MEGF11: variants seen among roughly 807,000 people sequenced by gnomAD.
MEGF11 encodes multiple EGF like domains 11, also known as multiple epidermal growth factor-like domains protein 11.
MEGF11 carries 126 observed loss-of-function variants against 146.6 expected under a neutral mutation model. The ratio of observed to expected loss-of-function variants is 0.86; its 90% CI spans 0.74 to 1.00. The LOEUF (loss-of-function observed/expected upper bound fraction) is 1.00. Ranked by LOEUF, MEGF11 falls within the 50% of genes least tolerant of loss-of-function variation. The pLI, the probability that MEGF11 is intolerant of heterozygous loss-of-function variation, is 0.00. For missense variants in MEGF11, 1,509 were observed against 1,521.2 expected, an observed-to-expected ratio of 0.99 and a Z score of 0.13; for synonymous variants, 532 against 583.4, an observed-to-expected ratio of 0.91 and a Z score of 1.27.
intron 5 of MEGF11, among the ~76,000 whole-genome samples, chr15:66,039,380 A>G (rs1390400086): frequency 1.3e-5 from 2 of 152,156 alleles, no homozygotes; most frequent in African/African-American, 4.8e-5. Context: ...ATCTCAGCCT[A>G]ACTTCAGCCT....
At chr15:65,953,104 CCCTCCT>C (rs1195733848) in intron 10 of MEGF11, among the ~76,000 whole-genome samples, 1 of 152,312 alleles carries the variant, frequency 6.6e-6, no homozygotes, top group East Asian at 1.9e-4. Context: ...CATCCCAACA[CCCTCCT>C]ACTGGTATCA....
At chr15:66,194,400 G>A (rs1178706639) in intron 1 of MEGF11, among the ~76,000 whole-genome samples, 1 of 152,188 alleles carries the variant, frequency 6.6e-6, no homozygotes, top group Non-Finnish European at 1.5e-5. Context: ...CCTGAGGTCA[G>A]GAGTTCAAGA....
chr15:66,101,960 A>G (rs954513873), intron 4 of MEGF11, among the ~76,000 whole-genome samples: 1 of 152,180 alleles, frequency 6.6e-6, no homozygotes, highest in Non-Finnish European at 1.5e-5. Flanking sequence ...TTGCAACGCT[A>G]CTAATCGCCC....
intron 10 of MEGF11, among the ~76,000 whole-genome samples, chr15:65,939,809 C>T (rs1305981645): frequency 1.3e-5 from 2 of 152,114 alleles, no homozygotes; most frequent in African/African-American, 4.8e-5. Context: ...AACTCTCCCC[C>T]AGCCCTCCCA....
At chr15:66,233,446 G>T (rs1597166439) in intron 1 of MEGF11, among the ~76,000 whole-genome samples, 1 of 152,158 alleles carries the variant, frequency 6.6e-6, no homozygotes, top group Non-Finnish European at 1.5e-5. Context: ...ATGTTGGTCA[G>T]GCTGGTCTCG....
intron 5 of MEGF11, among the ~76,000 whole-genome samples, chr15:65,993,130 C>T (rs986397785): frequency 6.6e-6 from 1 of 152,206 alleles, no homozygotes; most frequent in African/African-American, 2.4e-5. Context: ...ACTGTCCTCC[C>T]TGCTGTTCTA....
intron 4 of MEGF11, among the ~76,000 whole-genome samples, chr15:66,104,100 CA>C (rs566330809): frequency 1.3e-5 from 2 of 152,140 alleles, no homozygotes; most frequent in Non-Finnish European, 2.9e-5. Flanking sequence ...GGCCTGACAC[CA>C]AAAATGGGAG....
chr15:66,226,802 C>T (rs62009954), intron 1 of MEGF11, among the ~76,000 whole-genome samples: 16,520 of 151,982 alleles, frequency 0.11, 1,083 homozygotes, highest in African/African-American at 0.19. Context: ...CTCACACCCT[C>T]ACATGGGCAC....
chr15:66,067,532 G>A (rs182505575), intron 5 of MEGF11, among the ~76,000 whole-genome samples: 4 of 152,302 alleles, frequency 2.6e-5, no homozygotes, highest in East Asian at 1.9e-4. Flanking sequence ...GCAGCCCCAC[G>A]TTCTTTCCCG....
rs570290276 is a variant in MEGF11 at position 66,212,971 on chromosome 15, A to G, written c.-9+40634T>C. 7.2e-5 allele frequency among the ~76,000 whole-genome samples: 11 copies of G among 152,352 alleles called. No homozygotes were observed. The South Asian group carries it at 2.1e-3, about 29-fold the overall frequency. ...GGGGTGAGCCCCTCATGCCCCGCCC[A>G]GGCTTCCAGTCCTGTAGATCTGCGA... On this transcript the variant is annotated intron_variant, in intron 1 of 25. Transcript: ENST00000395614.
At chr15:66,129,329 C>T (rs1035420331) in intron 1 of MEGF11, among the ~76,000 whole-genome samples, 10 of 152,246 alleles carry the variant, frequency 6.6e-5, no homozygotes, top group African/African-American at 2.2e-4. Flanking sequence ...TGGTGGGTCG[C>T]TGACCTTGAG....
chr15:66,087,470 G>A (rs987137982), intron 5 of MEGF11, among the ~76,000 whole-genome samples: 1 of 152,136 alleles, frequency 6.6e-6, no homozygotes, highest in African/African-American at 2.4e-5. Context: ...ATTACATCAA[G>A]CACTCTCTCA....
chr15:66,174,003 T>C (rs2090330070), intron 1 of MEGF11, among the ~76,000 whole-genome samples: 1 of 152,206 alleles, frequency 6.6e-6, no homozygotes, highest in South Asian at 2.1e-4. Flanking sequence ...GTCCTCTGTC[T>C]CCTGAGGCAG....
chr15:66,164,557 C>A (rs758628575), intron 1 of MEGF11, among the ~76,000 whole-genome samples: 2 of 152,150 alleles, frequency 1.3e-5, no homozygotes. Flanking sequence ...ATAATCCTGT[C>A]CCACTGGACC....
chr15:66,091,481 T>G (rs186750653), intron 5 of MEGF11, among the ~76,000 whole-genome samples: 124 of 152,324 alleles, frequency 8.1e-4, no homozygotes, highest in Admixed American at 1.5e-3. Flanking sequence ...AAGTTACAAT[T>G]GTATAAATAA....
At chr15:66,134,984 C>T (rs2088826332) in intron 1 of MEGF11, among the ~76,000 whole-genome samples, 1 of 152,224 alleles carries the variant, frequency 6.6e-6, no homozygotes, top group Non-Finnish European at 1.5e-5. Context: ...GACTTGGGTT[C>T]GAATCCTACC....
chr15:66,056,086 A>T, intron 5 of MEGF11, among the ~76,000 whole-genome samples: 1 of 151,968 alleles, frequency 6.6e-6, no homozygotes, highest in Non-Finnish European at 1.5e-5. Context: ...TCCACATTTC[A>T]CCCCCTTCCC....
At chr15:66,220,142 A>T (rs765216562) in intron 1 of MEGF11, among the ~76,000 whole-genome samples, 25 of 152,036 alleles carry the variant, frequency 1.6e-4, no homozygotes, top group Non-Finnish European at 8.8e-5. Flanking sequence ...AGGCCTGGGG[A>T]GAAGCAAGGA....
At chr15:66,196,441 T>C (rs148022940) in intron 1 of MEGF11, among the ~76,000 whole-genome samples, 47 of 152,136 alleles carry the variant, frequency 3.1e-4, no homozygotes, top group Admixed American at 5.9e-4. Context: ...CACTGCACTC[T>C]AGCCTGGCAA....
Sources: gnomAD v4.1 joint callset for allele counts (sites outside exome capture counted in the v4.1 genomes callset) on GRCh38, gnomAD v4.1.1 for gene constraint, MANE v1.5 for transcripts, NCBI Gene and HGNC (gene_info 2026-07-23, HGNC 2026-07-21) for gene names.